Variants in NELL1 observed in about 807,000 individuals in gnomAD.
The protein encoded by NELL1 is neural EGFL like 1.
NELL1 carries 76 observed loss-of-function variants against 107.4 expected under a neutral mutation model. The observed-to-expected ratio is 0.71, with a 90% CI of 0.59 to 0.86. NELL1 has a LOEUF of 0.86. NELL1 is among the 40% of genes least tolerant of loss of function. NELL1 has a pLI of 0.00. For missense variants in NELL1, 1,024 were observed against 1,005.5 expected, an observed-to-expected ratio of 1.02 and a Z score of -0.25; for synonymous variants, 353 against 341.2, an observed-to-expected ratio of 1.03 and a Z score of -0.38.
intron 13 of NELL1, among the ~76,000 whole-genome samples, chr11:21,193,839 A>G (rs1340325679): frequency 2.6e-5 from 4 of 151,842 alleles, no homozygotes; most frequent in Admixed American, 1.3e-4. Context: ...TTAGATTCCT[A>G]GGGTTTGTCT....
chr11:21,014,983 A>AT (rs1852531953), intron 12 of NELL1, among the ~76,000 whole-genome samples: 1 of 151,612 alleles, frequency 6.6e-6, no homozygotes, highest in Admixed American at 6.6e-5. Context: ...CTTTTTCTTG[A>AT]TTTTCACTTA....
rs536512953 is a variant in NELL1, at chr11:21,246,618, T to TATA, written c.1549+17165_1549+17167dup. On this transcript the variant is annotated intron_variant, in intron 14 of 19. Transcript: ENST00000357134. ...GCCTATTTTTTCTAGGCTACAAGCC[T>TATA]ATATAGCATGTTACTGTACTTAATA... 5.8e-3 allele frequency among the ~76,000 whole-genome samples: 882 copies of TATA among 152,294 alleles called. 13 individuals carry two copies. Among genetic ancestry groups the TATA allele is most frequent in the African/African-American group, 0.02 (817 of 41,554 alleles).
intron 13 of NELL1, among the ~76,000 whole-genome samples, chr11:21,143,327 T>C (rs974726320): frequency 1.3e-5 from 2 of 151,998 alleles, no homozygotes; most frequent in African/African-American, 4.8e-5. Flanking sequence ...GCCAAATGAA[T>C]GAAATTGAGA....
chr11:20,925,622 A>C (rs1850479383), intron 7 of NELL1, among the ~76,000 whole-genome samples: 1 of 152,066 alleles, frequency 6.6e-6, no homozygotes, highest in East Asian at 1.9e-4. Context: ...GATTTTTAGA[A>C]GATCATGCAT....
At chr11:21,323,813 TAAAG>T (rs1850065687) in intron 14 of NELL1, among the ~76,000 whole-genome samples, 1 of 152,146 alleles carries the variant, frequency 6.6e-6, no homozygotes, top group South Asian at 2.1e-4. Context: ...CCACTGAAGA[TAAAG>T]ACTCTATCTG....
At chr11:20,950,048 TG>T (rs1444924269) in intron 11 of NELL1, among the ~76,000 whole-genome samples, 3 of 151,982 alleles carry the variant, frequency 2.0e-5, no homozygotes, top group Non-Finnish European at 4.4e-5. Flanking sequence ...GGTGGGAGGG[TG>T]TTTTCCCGGG....
intron 13 of NELL1, among the ~76,000 whole-genome samples, chr11:21,155,705 T>C (rs1856216350): frequency 6.6e-6 from 1 of 152,018 alleles, no homozygotes; most frequent in Non-Finnish European, 1.5e-5. Context: ...TTATATTAAA[T>C]GGTGAATGAG....
chr11:21,248,505 A>G (rs1346294288), intron 14 of NELL1, among the ~76,000 whole-genome samples: 1 of 152,160 alleles, frequency 6.6e-6, no homozygotes, highest in Non-Finnish European at 1.5e-5. Context: ...GCCACTGTTT[A>G]GATTAGTCTC....
intron 14 of NELL1, among the ~76,000 whole-genome samples, chr11:21,236,408 G>A (rs1858208291): frequency 6.6e-6 from 1 of 150,992 alleles, no homozygotes; most frequent in Middle Eastern, 3.2e-3. Context: ...ATTAATTACT[G>A]CAGAATCTAC....
chr11:21,403,181 C>T lies in NELL1; in HGVS notation c.1645+32233C>T, dbSNP rs551552742. Among the ~76,000 whole-genome samples, 14 of 151,736 alleles carry T rather than the reference C, an allele frequency of 9.2e-5. No individual in the cohort carries two copies. The East Asian group carries it at 2.5e-3, about 28-fold the overall frequency. ...CTATGCAGAGCCCCTATTTTAGAGACTGGTAGGAATTCAATCTTTACTGTA... is the reference window on the plus strand; with the variant it reads ...CTATGCAGAGCCCCTATTTTAGAGATTGGTAGGAATTCAATCTTTACTGTA... On this transcript the variant is annotated intron_variant, in intron 15 of 19. Coordinates refer to ENST00000357134, the MANE Select transcript of NELL1 (RefSeq NM_006157.5).
chr11:21,135,022 G>C (rs936594081), intron 13 of NELL1, among the ~76,000 whole-genome samples: 1 of 152,152 alleles, frequency 6.6e-6, no homozygotes, highest in Non-Finnish European at 1.5e-5. Flanking sequence ...AAACATGCTA[G>C]AGTCACTGTT....
chr11:21,489,578 C>A (rs924171817), intron 15 of NELL1, among the ~76,000 whole-genome samples: 1 of 151,634 alleles, frequency 6.6e-6, no homozygotes, highest in Non-Finnish European at 1.5e-5. Context: ...TCCAACAGTA[C>A]GTGAAAAGGA....
chr11:21,203,919 A>C (rs1282279982), intron 13 of NELL1, among the ~76,000 whole-genome samples: 1 of 152,126 alleles, frequency 6.6e-6, no homozygotes, highest in Non-Finnish European at 1.5e-5. Context: ...TGTTTCTCTA[A>C]GAATGTTGAA....
chr11:21,216,311 G>C (rs573161628), intron 13 of NELL1, among the ~76,000 whole-genome samples: 8 of 152,326 alleles, frequency 5.3e-5, no homozygotes, highest in African/African-American at 1.7e-4. Flanking sequence ...ATCTCTGCTA[G>C]GGAAGTGCAG....
At chr11:21,105,945 TTTCCTCCCTC>T in intron 12 of NELL1, among the ~76,000 whole-genome samples, 1 of 126,910 alleles carries the variant, frequency 7.9e-6, no homozygotes, top group Admixed American at 7.9e-5. Context: ...CCCTCCCTTC[TTTCCTCCCTC>T]CCTCTCTTTC....
At chr11:21,248,217 C>A (rs1323438290) in intron 14 of NELL1, among the ~76,000 whole-genome samples, 1 of 151,898 alleles carries the variant, frequency 6.6e-6, no homozygotes, top group Admixed American at 6.6e-5. Context: ...TGGTGGCACG[C>A]ACCTTGTGGT....
intron 9 of NELL1, among the ~76,000 whole-genome samples, chr11:20,936,797 G>A (rs4923177): frequency 0.73 from 111,488 of 152,086 alleles, 42,198 homozygotes; most frequent in East Asian, 0.91. Flanking sequence ...GAATCAGAGG[G>A]TTTTATAACT....
At chr11:21,328,539 C>T (rs59977016) in intron 14 of NELL1, among the ~76,000 whole-genome samples, 9 of 152,222 alleles carry the variant, frequency 5.9e-5, no homozygotes, top group African/African-American at 1.9e-4. Flanking sequence ...ACAGAGTTCC[C>T]ACTGGGGCAC....
intron 14 of NELL1, among the ~76,000 whole-genome samples, chr11:21,296,399 G>C (rs1366843043): frequency 6.7e-6 from 1 of 148,306 alleles, no homozygotes; most frequent in Non-Finnish European, 1.5e-5. Flanking sequence ...TAATTAGCTT[G>C]ATTGTGATGA....
Sources: allele counts gnomAD v4.1 joint callset (sites outside exome capture counted in the v4.1 genomes callset), GRCh38; gene constraint gnomAD v4.1.1; transcripts MANE v1.5; gene names NCBI Gene and HGNC (gene_info 2026-07-23, HGNC 2026-07-21).